Variants in AFF1 observed in about 807,000 individuals in gnomAD.
The protein encoded by AFF1 is AF4/FMR2 family member 1.
Under a neutral mutation model 121.7 loss-of-function variants are expected in AFF1, and 48 were observed. The observed-to-expected ratio is 0.39, with a 90% CI of 0.31 to 0.50. AFF1 has a LOEUF of 0.50. Among genes scored for constraint, AFF1 ranks in the 20% least tolerant of loss-of-function variants. AFF1 has a pLI of 0.76. For synonymous variants in AFF1, 613 were observed against 563.0 expected, an observed-to-expected ratio of 1.09 and a Z score of -1.26; for missense variants, 1,523 against 1,511.7, an observed-to-expected ratio of 1.01 and a Z score of -0.12.
At chr4:87,129,500 TA>T (rs1016870987) in intron 16 of AFF1, among the ~76,000 whole-genome samples, 1 of 152,214 alleles carries the variant, frequency 6.6e-6, no homozygotes, top group African/African-American at 2.4e-5. Context: ...AAGCCAATAT[TA>T]ACTTTGGAAA....
At position 87,140,267 on chromosome 4, in the gene AFF1, T is replaced by A. The variant is rs1729612685; in HGVS notation, c.*4566T>A. 5.2e-6 allele frequency: 1 copy of A among 194,174 alleles called. No homozygotes were observed. Among genetic ancestry groups the A allele is most frequent in the African/African-American group, 2.3e-5 (1 of 43,122 alleles). The allele number at this position is 194,174 out of a possible 1,614,324, so 12.0% of individuals were successfully genotyped here. A position where few individuals can be genotyped will look rare whatever the true frequency, so the allele number is the denominator to read the frequency against. ...TAACACAGGCAGCATTCACCTTTGT[T>A]CAGGCCATCGACATGTATTGTTAAA... On this transcript the variant is annotated 3_prime_UTR_variant, in exon 21 of 21. Transcript: ENST00000395146.
chr4:86,949,527 T>TATC (rs1183993604), intron 2 of AFF1: 1 of 289,018 alleles, frequency 3.5e-6, no homozygotes, highest in Non-Finnish European at 5.2e-6. Context: ...TATTAATTAT[T>TATC]ATTATTATTA....
chr4:87,005,603 A>AG (rs1726043589), intron 2 of AFF1, among the ~76,000 whole-genome samples: 3 of 152,206 alleles, frequency 2.0e-5, no homozygotes, highest in Non-Finnish European at 4.4e-5. Context: ...CATGAAAAAA[A>AG]AGCTAGCTCA....
chr4:87,089,750 A>G (rs1280311929), intron 5 of AFF1, among the ~76,000 whole-genome samples: 1 of 152,132 alleles, frequency 6.6e-6, no homozygotes, highest in African/African-American at 2.4e-5. Context: ...CACGTTCTAT[A>G]CCTTGATTGT....
chr4:87,103,860 A>G (rs1202301728), intron 8 of AFF1, among the ~76,000 whole-genome samples: 2 of 152,244 alleles, frequency 1.3e-5, no homozygotes, highest in African/African-American at 4.8e-5. Flanking sequence ...AAACAAACCT[A>G]GTAACTAAGA....
chr4:86,983,776 G>C (rs771313377), intron 2 of AFF1, among the ~76,000 whole-genome samples: 1 of 150,862 alleles, frequency 6.6e-6, no homozygotes, highest in Admixed American at 6.6e-5. Flanking sequence ...AGTGGCTCAC[G>C]CTTGTAATCC....
intron 2 of AFF1, among the ~76,000 whole-genome samples, chr4:87,032,167 A>G (rs911505848): frequency 2.0e-5 from 3 of 152,188 alleles, no homozygotes; most frequent in Non-Finnish European, 2.9e-5. Flanking sequence ...GGAGATGCCA[A>G]TTATAGCGGG....
intron 2 of AFF1, among the ~76,000 whole-genome samples, chr4:86,962,584 A>G (rs562047326): frequency 1.3e-5 from 2 of 152,222 alleles, no homozygotes; most frequent in South Asian, 2.1e-4. Flanking sequence ...TTTGGGTTCC[A>G]TTGGGCAATA....
chr4:86,969,153 AT>A (rs74311228), intron 2 of AFF1, among the ~76,000 whole-genome samples: 31,648 of 151,976 alleles, frequency 0.21, 3,334 homozygotes, highest in Middle Eastern at 0.24. Context: ...CAGAGGGTGC[AT>A]TTGGCTTGAG....
intron 2 of AFF1, among the ~76,000 whole-genome samples, chr4:86,955,810 G>C (rs1379542593): frequency 6.6e-6 from 1 of 152,128 alleles, no homozygotes; most frequent in Non-Finnish European, 1.5e-5. Context: ...GAAGATTTGA[G>C]GGATTGGATT....
chr4:87,132,341 C>T lies in AFF1; in HGVS notation c.3244C>T (p.Arg1082Cys), dbSNP rs749334094. The change falls in exon 19 of 21, where the codon CGT becomes TGT. Residue 1082 changes from arginine to cysteine, a missense_variant. This residue lies in a region of AFF1 where 241 missense variants were observed against 265.2 expected (regional missense o/e 0.91). Transcript: ENST00000395146. ...CKKDIAIKYSRTLNKHFESSS... is the reference protein window; with the variant it reads ...CKKDIAIKYSCTLNKHFESSS... ...AAAAGACATAGCAATAAAGTATTCT[C>T]GTACTCTTAATAAACACTTCGAGAG... 1.7e-5 allele frequency: 27 copies of T among 1,613,282 alleles called. No homozygotes were observed. In the Admixed American group the frequency reaches 1.8e-4, roughly 11 times the overall value.
At chr4:87,013,412 A>C (rs1184325667) in intron 2 of AFF1, among the ~76,000 whole-genome samples, 1 of 150,826 alleles carries the variant, frequency 6.6e-6, no homozygotes, top group Non-Finnish European at 1.5e-5. Flanking sequence ...ATTAAGAGAA[A>C]ATCCCAGGGG....
chr4:86,943,958 C>T (rs572241303), intron 1 of AFF1, among the ~76,000 whole-genome samples: 2 of 22,520 alleles, frequency 8.9e-5, no homozygotes, highest in Non-Finnish European at 8.3e-4. Flanking sequence ...CGAAACTCTA[C>T]CCAAAATAAA....
At chr4:86,995,108 C>G (rs368825551) in intron 2 of AFF1, among the ~76,000 whole-genome samples, 92 of 152,254 alleles carry the variant, frequency 6.0e-4, no homozygotes, top group African/African-American at 2.1e-3. Flanking sequence ...TGTTGTGTGC[C>G]TGTAGCCCCA....
At position 87,025,054 on chromosome 4, in the gene AFF1, T is replaced by C. The variant is rs540216125; in HGVS notation, c.39-21112T>C. Among the ~76,000 whole-genome samples, 5 of 152,348 alleles carry C rather than the reference T, an allele frequency of 3.3e-5. No individual in the cohort carries two copies. The South Asian group carries it at 8.3e-4, about 25-fold the overall frequency. ...CTTGGGATCCCCTTTTTTCACAAGG[T>C]TCTCTTATCCTGCTCCATAGGCTGC... On this transcript the variant is annotated intron_variant, in intron 2 of 20. Transcript: ENST00000395146.
At chr4:87,045,335 G>C (rs1208234824) in intron 2 of AFF1, among the ~76,000 whole-genome samples, 1 of 152,058 alleles carries the variant, frequency 6.6e-6, no homozygotes, top group Admixed American at 6.6e-5. Flanking sequence ...CATTGCGTGT[G>C]AGGGCTGGGA....
At chr4:87,078,427 G>C (rs1437600686) in intron 4 of AFF1, among the ~76,000 whole-genome samples, 1 of 152,204 alleles carries the variant, frequency 6.6e-6, no homozygotes, top group Non-Finnish European at 1.5e-5. Flanking sequence ...CTGTGATTCA[G>C]TGAGGGTTCT....
At chr4:87,111,422 C>T (rs1042028103) in intron 11 of AFF1, among the ~76,000 whole-genome samples, 6 of 151,230 alleles carry the variant, frequency 4.0e-5, no homozygotes, top group Non-Finnish European at 7.4e-5. Flanking sequence ...GGTGTGATCT[C>T]GGCTCACTGC....
chr4:87,028,293 AT>A lies in AFF1; in HGVS notation c.39-17864del, dbSNP rs543269916. ...AGCTTGTATATCATTAAAGTTCAGT[AT>A]TTTTTTTTACGTTTTTTTTTCTTTT... On this transcript the variant is annotated intron_variant, in intron 2 of 20. Transcript: ENST00000395146. Among the ~76,000 whole-genome samples, 7 of 150,460 alleles carry A rather than the reference AT, an allele frequency of 4.7e-5. No individual in the cohort carries two copies. The East Asian group carries it at 7.8e-4, about 17-fold the overall frequency.
Sources: gnomAD v4.1 joint callset for allele counts (sites outside exome capture counted in the v4.1 genomes callset) on GRCh38, gnomAD v4.1.1 for gene constraint, gnomAD v4.1.1 regional missense constraint, MANE v1.5 for transcripts, NCBI Gene and HGNC (gene_info 2026-07-23, HGNC 2026-07-21) for gene names.